NANOS3: variants seen among roughly 807,000 people sequenced by gnomAD.
NANOS3 encodes the protein nanos C2HC-type zinc finger 3, also known as nanos homolog 3.
A neutral mutation model predicts 13.8 loss-of-function variants in NANOS3; 11 were observed. The observed-to-expected ratio is 0.80, with a 90% confidence interval of 0.50 to 1.32. The LOEUF is 1.32. Ranked by LOEUF, NANOS3 falls within the 40% of genes most tolerant of loss-of-function variation. The probability of loss-of-function intolerance (pLI) is 0.00; values close to 1 mark genes in which losing one functional copy is unlikely to be tolerated. For missense variants in NANOS3, 221 were observed against 263.8 expected, an observed-to-expected ratio of 0.84 and a Z score of 1.12; for synonymous variants, 119 against 115.4, an observed-to-expected ratio of 1.03 and a Z score of -0.20.
At chr19:13,878,764 A>C (rs1341738478) in intron 1 of NANOS3, among the ~76,000 whole-genome samples, 1 of 150,114 alleles carries the variant, frequency 6.7e-6, no homozygotes, top group East Asian at 2.0e-4. Context: ...ACAGGCGTGC[A>C]CCACCATTCC....
chr19:13,868,239 A>G (rs1976271797), intron 1 of NANOS3, among the ~76,000 whole-genome samples: 1 of 151,704 alleles, frequency 6.6e-6, no homozygotes, highest in Non-Finnish European at 1.5e-5. Flanking sequence ...TTGTATTTTT[A>G]ATAGAGACAG....
upstream of NANOS3, among the ~76,000 whole-genome samples, chr19:13,873,768 C>T (rs888679233): frequency 6.6e-5 from 10 of 152,148 alleles, no homozygotes; most frequent in African/African-American, 2.4e-4. Context: ...CAGCACCCGG[C>T]CATGCCGGGT....
At chr19:13,879,722 C>T (rs544691603) in intron 1 of NANOS3, among the ~76,000 whole-genome samples, 1 of 130,018 alleles carries the variant, frequency 7.7e-6, no homozygotes, top group South Asian at 2.3e-4. Context: ...AGCAAGACCT[C>T]GTCTTAAAAA....
intron 1 of NANOS3, 65 bp from the exon 2 acceptor site, chr19:13,880,377 G>A: frequency 6.6e-7 from 1 of 1,520,716 alleles, no homozygotes; most frequent in Non-Finnish European, 9.1e-7. Flanking sequence ...CGAGTCCGTG[G>A]GCAACTTGGG....
At chr19:13,878,755 CA>C (rs1190748611) in intron 1 of NANOS3, among the ~76,000 whole-genome samples, 1 of 151,068 alleles carries the variant, frequency 6.6e-6, no homozygotes, top group African/African-American at 2.4e-5. Context: ...GCTGGAATTA[CA>C]GGCGTGCACC....
intron 1 of NANOS3, among the ~76,000 whole-genome samples, chr19:13,869,546 G>A (rs367908479): frequency 1.6e-3 from 245 of 152,078 alleles, no homozygotes; most frequent in Non-Finnish European, 2.6e-3. Flanking sequence ...GGTGGCCTGC[G>A]GAGGGTGGGG....
chr19:13,865,504 C>CGGCGG (rs898265089), intron 1 of NANOS3: 61 of 140,448 alleles, frequency 4.3e-4, no homozygotes, highest in African/African-American at 1.5e-3. Context: ...GCAGGGGGCG[C>CGGCGG]GGCGGGGCGG....
intron 1 of NANOS3, among the ~76,000 whole-genome samples, chr19:13,879,586 G>T (rs556004996): frequency 6.6e-6 from 1 of 152,076 alleles, no homozygotes; most frequent in African/African-American, 2.4e-5. Flanking sequence ...AAATTAGCTG[G>T]GCATGGTAGT....
At chr19:13,873,929 C>T (rs1412826451), upstream of NANOS3, among the ~76,000 whole-genome samples, 1 of 152,008 alleles carries the variant, frequency 6.6e-6, no homozygotes, top group African/African-American at 2.4e-5. Flanking sequence ...GGTCGCCGAA[C>T]TCTGTGCGAT....
upstream of NANOS3, among the ~76,000 whole-genome samples, chr19:13,876,605 T>TC (rs748781878): frequency 4.0e-5 from 6 of 151,306 alleles, no homozygotes; most frequent in Non-Finnish European, 7.4e-5. Context: ...GCATGATCCT[T>TC]CCCCCCTACC....
At chr19:13,871,746 G>T (rs572876134) in intron 1 of NANOS3, among the ~76,000 whole-genome samples, 72 of 152,358 alleles carry the variant, frequency 4.7e-4, no homozygotes, top group African/African-American at 1.6e-3. Context: ...GGTGGCTCAT[G>T]CCTGTAATCC....
At chr19:13,873,159 T>C (rs1968429824), upstream of NANOS3, among the ~76,000 whole-genome samples, 1 of 150,796 alleles carries the variant, frequency 6.6e-6, no homozygotes, top group Non-Finnish European at 1.5e-5. Flanking sequence ...TGGGAGTCTA[T>C]ATGGGCGGGT....
chr19:13,877,161 A>T lies in NANOS3; in HGVS notation c.-88A>T. The T allele has an allele frequency of 8.9e-7, 1 of 1,118,454 alleles. No individual in the cohort carries two copies. The highest frequency in any genetic ancestry group is 1.4e-5 in the South Asian group (1 of 70,270). 69.3% of individuals were successfully genotyped at this position (1,118,454 alleles called of 1,614,324 possible). The stretch of plus-strand genomic sequence containing the variant: ...GCTCCAGAGAGGGGAAGGAAGGGGC[A>T]GCAGAGAGGGGTCAGAAGGAGGGAG... On this transcript the variant is annotated 5_prime_UTR_variant, in exon 1 of 2. Transcript: ENST00000339133.
upstream of NANOS3, among the ~76,000 whole-genome samples, chr19:13,863,267 T>C (rs1976183711): frequency 6.6e-6 from 1 of 152,178 alleles, no homozygotes; most frequent in Non-Finnish European, 1.5e-5. Context: ...TGGAGTACAG[T>C]GGCACCATCA....
chr19:13,871,343 G>A (rs960971200), intron 1 of NANOS3, among the ~76,000 whole-genome samples: 2 of 152,178 alleles, frequency 1.3e-5, no homozygotes, highest in African/African-American at 2.4e-5. Context: ...CCAGACAGAC[G>A]ACCCTGGGAT....
upstream of NANOS3, chr19:13,865,297 C>CT (rs907433872): frequency 4.8e-5 from 7 of 145,996 alleles, no homozygotes; most frequent in East Asian, 6.0e-4. Flanking sequence ...CTCCCCCCCC[C>CT]CGCCCACGGC....
At chr19:13,866,112 CTGCAGGGTATT>C (rs1377670892) in intron 1 of NANOS3, among the ~76,000 whole-genome samples, 1 of 152,276 alleles carries the variant, frequency 6.6e-6, no homozygotes, top group East Asian at 1.9e-4. Context: ...CCGGCAGCAG[CTGCAGGGTATT>C]TACTGGGGCC....
chr19:13,880,629 C>T lies in NANOS3; in HGVS notation c.*126C>T, dbSNP rs375686667. ...CTGGGATTGAGCCCTGGGGATGACC[C>T]GGGGTTGGCAAGGGAAGAGCTGAAA... is the stretch of plus-strand genomic sequence containing the variant. On this transcript the variant is annotated 3_prime_UTR_variant, in exon 2 of 2. Transcript: ENST00000339133. The T allele has an allele frequency of 9.9e-6, 8 of 807,252 alleles. No individual in the cohort carries two copies. The highest frequency in any genetic ancestry group is 6.8e-5 in the African/African-American group (4 of 58,604). 50.0% of individuals were successfully genotyped at this position (807,252 alleles called of 1,614,324 possible). A position where few individuals can be genotyped will look rare whatever the true frequency, so the allele number is the denominator to read the frequency against.
chr19:13,876,993 G>C (rs952293147), upstream of NANOS3, among the ~76,000 whole-genome samples: 1 of 152,160 alleles, frequency 6.6e-6, no homozygotes, highest in Non-Finnish European at 1.5e-5. Flanking sequence ...CCCCGGCACA[G>C]CCAGAGGCCA....
Sources: gnomAD v4.1 joint callset for allele counts (sites outside exome capture counted in the v4.1 genomes callset) on GRCh38, gnomAD v4.1.1 for gene constraint, MANE v1.5 for transcripts, NCBI Gene and HGNC (gene_info 2026-07-23, HGNC 2026-07-21) for gene names.